Variants in ZEB2 observed in about 807,000 individuals in gnomAD.
ZEB2 encodes the protein zinc finger E-box binding homeobox 2.
Under a neutral mutation model 99.9 loss-of-function variants are expected in ZEB2, and 6 were observed. That is an observed-to-expected ratio of 0.06 (90% CI 0.03 to 0.12). The LOEUF (loss-of-function observed/expected upper bound fraction) is 0.12, where lower values mean the gene tolerates loss of function less well. Among genes scored for constraint, ZEB2 ranks in the 10% least tolerant of loss-of-function variants. The pLI, the probability that ZEB2 is intolerant of heterozygous loss-of-function variation, is 1.00. For missense variants in ZEB2, 969 were observed against 1,502.8 expected (o/e 0.64, Z 5.87); for synonymous variants, 517 against 542.5 (o/e 0.95, Z 0.65).
At chr2:144,393,505 T>C (rs1703179265) in intron 9 of ZEB2, among the ~76,000 whole-genome samples, 1 of 152,222 alleles carries the variant, frequency 6.6e-6, no homozygotes, top group Admixed American at 6.5e-5. Flanking sequence ...CCAAGACAGT[T>C]CTCACTTATA....
chr2:144,438,474 G>A (rs1271148792), intron 2 of ZEB2, among the ~76,000 whole-genome samples: 1 of 151,924 alleles, frequency 6.6e-6, no homozygotes, highest in Non-Finnish European at 1.5e-5. Context: ...TCGAAGTAGG[G>A]GGGCTGGAGA....
chr2:144,456,574 C>T (rs531363616), intron 2 of ZEB2, among the ~76,000 whole-genome samples: 45 of 152,120 alleles, frequency 3.0e-4, no homozygotes, highest in African/African-American at 1.0e-3. Flanking sequence ...CTTTAATATA[C>T]TGTGTATCTG....
intron 2 of ZEB2, among the ~76,000 whole-genome samples, chr2:144,436,279 CT>C (rs1375343988): frequency 1.3e-5 from 2 of 152,148 alleles, no homozygotes; most frequent in Non-Finnish European, 2.9e-5. Flanking sequence ...TGTTAACATA[CT>C]ATAGTCAGCC....
chr2:144,418,557 G>A (rs576109147), intron 4 of ZEB2, among the ~76,000 whole-genome samples: 192 of 151,920 alleles, frequency 1.3e-3, no homozygotes, highest in Admixed American at 2.8e-3. Flanking sequence ...GCGTGGTGGC[G>A]CATGCCTGTA....
At chr2:144,498,453 G>A (rs1704821320) in intron 2 of ZEB2, among the ~76,000 whole-genome samples, 1 of 151,758 alleles carries the variant, frequency 6.6e-6, no homozygotes, top group Non-Finnish European at 1.5e-5. Context: ...AGGAAATCCA[G>A]GAAGCCATTC....
chr2:144,426,835 G>C (rs1362851248), intron 3 of ZEB2: 1 of 152,142 alleles, frequency 6.6e-6, no homozygotes, highest in Non-Finnish European at 1.5e-5. Flanking sequence ...AGCTCAATGT[G>C]TGAAAATGAA....
chr2:144,516,837 C>T (rs1705155889), intron 2 of ZEB2: 1 of 152,044 alleles, frequency 6.6e-6, no homozygotes. Flanking sequence ...CCTTCGCAGT[C>T]TCTCTGCCAC....
intron 6 of ZEB2, 34 bp downstream of exon 6, chr2:144,403,882 T>C (rs758506537): frequency 3.1e-6 from 5 of 1,612,408 alleles, no homozygotes; most frequent in Non-Finnish European, 4.2e-6. Flanking sequence ...AAGGGGTTAT[T>C]ATAGAAAGAA....
At chr2:144,397,943 T>C (rs1214215620) in intron 8 of ZEB2, 1 of 361,170 alleles carries the variant, frequency 2.8e-6, no homozygotes, top group East Asian at 7.6e-5. Context: ...ACCTGTCCTG[T>C]GTACATCTTT....
At chr2:144,476,179 C>T (rs944348341) in intron 2 of ZEB2, among the ~76,000 whole-genome samples, 2 of 151,858 alleles carry the variant, frequency 1.3e-5, no homozygotes, top group Admixed American at 6.6e-5. Flanking sequence ...ATTTAACCTG[C>T]CTAATTTTGT....
At chr2:144,518,973 C>A (rs1019937820) in intron 1 of ZEB2, 1 of 152,110 alleles carries the variant, frequency 6.6e-6, no homozygotes, top group Admixed American at 6.5e-5. Flanking sequence ...AGTAATCTTG[C>A]CTTCATCATT....
intron 2 of ZEB2, among the ~76,000 whole-genome samples, chr2:144,479,939 C>A (rs1704486325): frequency 6.6e-6 from 1 of 152,076 alleles, no homozygotes; most frequent in Non-Finnish European, 1.5e-5. Context: ...GTCCTAATTG[C>A]GACTGACTGG....
intron 2 of ZEB2, among the ~76,000 whole-genome samples, chr2:144,498,484 C>A (rs1704821775): frequency 6.6e-6 from 1 of 151,974 alleles, no homozygotes; most frequent in Admixed American, 6.6e-5. Context: ...TCTGCACCCA[C>A]CCTCGCTGAA....
rs1704860588 is a variant in ZEB2, at chr2:144,501,035, A to G, written c.73+16243T>C. On this transcript the variant is annotated intron_variant, in intron 2 of 9. Coordinates refer to ENST00000627532, the MANE Select transcript of ZEB2 (RefSeq NM_014795.4). ...AGATAAATTCAAAGATCGTATTTATATGAAGCAGAGCCTGTTCCTCACTCA... is the reference window on the plus strand; with the variant it reads ...AGATAAATTCAAAGATCGTATTTATGTGAAGCAGAGCCTGTTCCTCACTCA... 1.3e-5 allele frequency among the ~76,000 whole-genome samples: 2 copies of G among 150,532 alleles called. 1 individual carries two copies. Among genetic ancestry groups the G allele is most frequent in the South Asian group, 4.3e-4 (2 of 4,676 alleles).
chr2:144,465,716 G>T (rs905656910), intron 2 of ZEB2, among the ~76,000 whole-genome samples: 2 of 152,052 alleles, frequency 1.3e-5, no homozygotes, highest in African/African-American at 2.4e-5. Flanking sequence ...AGGCCAAAAT[G>T]GCAGCTTACT....
intron 2 of ZEB2, among the ~76,000 whole-genome samples, chr2:144,440,485 GTATATATATATATA>G (rs147950352): frequency 6.9e-4 from 62 of 89,340 alleles, no homozygotes; most frequent in African/African-American, 2.6e-3. Context: ...CCCAAAAGCA[GTATATATATATATA>G]TATATATATA....
intron 2 of ZEB2, among the ~76,000 whole-genome samples, chr2:144,498,073 TATA>T (rs1704810142): frequency 1.7e-5 from 1 of 59,808 alleles, no homozygotes; most frequent in Non-Finnish European, 3.2e-5. Flanking sequence ...ATATTAATAT[TATA>T]TATTATATAA....
At chr2:144,479,676 T>C (rs1704479576) in intron 2 of ZEB2, among the ~76,000 whole-genome samples, 1 of 24,028 alleles carries the variant, frequency 4.2e-5, no homozygotes, top group African/African-American at 1.1e-4. Context: ...TGTATGCTAC[T>C]TTTTTTTGGG....
At chr2:144,489,110 C>A (rs548971900) in intron 2 of ZEB2, among the ~76,000 whole-genome samples, 2 of 152,114 alleles carry the variant, frequency 1.3e-5, no homozygotes, top group African/African-American at 4.8e-5. Context: ...AGAATTTACA[C>A]GAGTGCTATT....
Sources: allele counts gnomAD v4.1 joint callset (sites outside exome capture counted in the v4.1 genomes callset), GRCh38; gene constraint gnomAD v4.1.1; transcripts MANE v1.5; gene names NCBI Gene and HGNC (gene_info 2026-07-23, HGNC 2026-07-21).